Variants in NEDD4L observed in about 807,000 individuals in gnomAD.
NEDD4L encodes E3 ubiquitin-protein ligase NEDD4-like.
Under a neutral mutation model 148.9 loss-of-function variants are expected in NEDD4L, and 54 were observed. The ratio of observed to expected loss-of-function variants is 0.36; its 90% confidence interval spans 0.29 to 0.45. The LOEUF is 0.45. Among genes scored for constraint, NEDD4L ranks in the 20% least tolerant of loss-of-function variants. NEDD4L has a pLI of 1.00. For synonymous variants in NEDD4L, 433 were observed against 440.7 expected (o/e 0.98, Z 0.22); for missense variants, 856 against 1,233.8 (o/e 0.69, Z 4.59).
In NEDD4L at chr18:58,348,712, T is replaced by A. The variant is rs138105882; in HGVS notation, c.1576-825T>A. 5.7e-3 allele frequency among the ~76,000 whole-genome samples: 867 copies of A among 152,226 alleles called. 11 individuals carry two copies. The highest frequency in any genetic ancestry group is 0.02 in the African/African-American group (818 of 41,534). On this transcript the variant is annotated intron_variant, in intron 16 of 30. Coordinates refer to ENST00000400345, the MANE Select transcript of NEDD4L (RefSeq NM_001144967.3). ...TTCCTGTTCTCTCTGAAACTCCATT[T>A]CCTCATCTAAAGAAACAGACCATGT...
intron 2 of NEDD4L, among the ~76,000 whole-genome samples, chr18:58,189,200 G>C (rs1229116538): frequency 1.3e-5 from 2 of 152,070 alleles, no homozygotes; most frequent in Non-Finnish European, 2.9e-5. Flanking sequence ...CTTTCTCTCT[G>C]TCTGCTAAGC....
intron 1 of NEDD4L, among the ~76,000 whole-genome samples, chr18:58,164,962 GT>G (rs1447613448): frequency 6.6e-6 from 1 of 152,220 alleles, no homozygotes; most frequent in Non-Finnish European, 1.5e-5. Flanking sequence ...TATGTTGACA[GT>G]TCATGACCCA....
At chr18:58,394,790 C>T (rs138527590) in intron 30 of NEDD4L, among the ~76,000 whole-genome samples, 7 of 152,300 alleles carry the variant, frequency 4.6e-5, no homozygotes, top group South Asian at 4.1e-4. Context: ...GCTGTGACAA[C>T]GGTTAGCTTT....
intron 16 of NEDD4L, among the ~76,000 whole-genome samples, chr18:58,344,488 A>G (rs1337012885): frequency 6.6e-6 from 1 of 152,226 alleles, no homozygotes; most frequent in African/African-American, 2.4e-5. Flanking sequence ...AACAGCCCTA[A>G]GTGAGAACCA....
At chr18:58,234,051 TTC>T (rs1491229082) in intron 2 of NEDD4L, among the ~76,000 whole-genome samples, 1 of 72,124 alleles carries the variant, frequency 1.4e-5, no homozygotes, top group Non-Finnish European at 2.8e-5. Flanking sequence ...TTCCTTTTCT[TTC>T]TTTCTTTCTT....
intron 2 of NEDD4L, among the ~76,000 whole-genome samples, chr18:58,214,711 T>G (rs188610391): frequency 1.3e-5 from 2 of 151,516 alleles, no homozygotes; most frequent in Admixed American, 6.6e-5. Flanking sequence ...AGCTTTGGGG[T>G]TTTTTCTCTA....
At chr18:58,384,013 G>A (rs1051917094) in intron 25 of NEDD4L, among the ~76,000 whole-genome samples, 4 of 152,162 alleles carry the variant, frequency 2.6e-5, no homozygotes, top group African/African-American at 9.7e-5. Flanking sequence ...GGTGAGCACT[G>A]CAGTGTGTGG....
intron 13 of NEDD4L, 94 bp downstream of exon 13, chr18:58,335,631 A>C: frequency 1.1e-6 from 1 of 942,532 alleles, no homozygotes; most frequent in Non-Finnish European, 1.8e-6. Context: ...TTTTAAAAAT[A>C]AGATTAGCTC....
intron 5 of NEDD4L, among the ~76,000 whole-genome samples, chr18:58,308,779 CT>C (rs1315567738): frequency 6.6e-6 from 1 of 152,226 alleles, no homozygotes; most frequent in Non-Finnish European, 1.5e-5. Context: ...TGCTTTGTGT[CT>C]GCGTCAAGTC....
chr18:58,156,524 C>T (rs539560993), intron 1 of NEDD4L, among the ~76,000 whole-genome samples: 48 of 152,272 alleles, frequency 3.2e-4, no homozygotes, highest in Non-Finnish European at 5.4e-4. Context: ...TCCTCGTGTG[C>T]AGGCCTTCTA....
chr18:58,120,504 G>A (rs1206214777), intron 1 of NEDD4L, among the ~76,000 whole-genome samples: 5 of 152,234 alleles, frequency 3.3e-5, no homozygotes, highest in East Asian at 1.9e-4. Context: ...CCACGGCCGG[G>A]CGTGGTGGCT....
intron 1 of NEDD4L, among the ~76,000 whole-genome samples, chr18:58,076,993 G>C (rs1047981120): frequency 2.6e-5 from 4 of 151,336 alleles, no homozygotes; most frequent in Non-Finnish European, 5.9e-5. Flanking sequence ...TGGGACTACA[G>C]GTGCGCGCCA....
intron 1 of NEDD4L, among the ~76,000 whole-genome samples, chr18:58,054,312 T>G (rs1301155731): frequency 1.3e-5 from 2 of 152,260 alleles, no homozygotes; most frequent in Admixed American, 1.3e-4. Context: ...ATCTTCTGCT[T>G]TCTTTGCTAG....
intron 1 of NEDD4L, among the ~76,000 whole-genome samples, chr18:58,119,424 T>G (rs150027803): frequency 8.7e-4 from 132 of 152,296 alleles, no homozygotes; most frequent in East Asian, 3.3e-3. Context: ...AGTCTCTCTT[T>G]CTGGCATTTG....
chr18:58,248,383 T>C (rs1219274116), intron 3 of NEDD4L, among the ~76,000 whole-genome samples: 1 of 150,918 alleles, frequency 6.6e-6, no homozygotes, highest in African/African-American at 2.5e-5. Flanking sequence ...GAGAAAAAAA[T>C]AATTCACTTT....
intron 1 of NEDD4L, among the ~76,000 whole-genome samples, chr18:58,145,631 T>G (rs8088115): frequency 0.47 from 51,588 of 110,148 alleles, 9,078 homozygotes; most frequent in African/African-American, 0.54. Flanking sequence ...AGGAATTGGG[T>G]TTTTTTTTTT....
intron 2 of NEDD4L, among the ~76,000 whole-genome samples, chr18:58,196,711 T>TCTC (rs200598603): frequency 2.1e-5 from 2 of 95,428 alleles, no homozygotes; most frequent in Admixed American, 1.2e-4. Context: ...TCTCTCTCTC[T>TCTC]TTTTTTTTTT....
intron 1 of NEDD4L, among the ~76,000 whole-genome samples, chr18:58,130,273 G>A (rs2031864021): frequency 1.4e-5 from 2 of 146,238 alleles, no homozygotes; most frequent in Admixed American, 6.9e-5. Context: ...TTGTGATCTA[G>A]TGGAACTGTG....
At chr18:58,334,829 C>T (rs909100021) in intron 12 of NEDD4L, among the ~76,000 whole-genome samples, 2 of 152,122 alleles carry the variant, frequency 1.3e-5, no homozygotes, top group Non-Finnish European at 2.9e-5. Context: ...GTCAAGGAAG[C>T]AGTCAAAATA....
Sources: gnomAD v4.1 joint callset for allele counts (sites outside exome capture counted in the v4.1 genomes callset) on GRCh38, gnomAD v4.1.1 for gene constraint, MANE v1.5 for transcripts, NCBI Gene and HGNC (gene_info 2026-07-23, HGNC 2026-07-21) for gene names.